Variants in ATP10A observed in about 807,000 individuals in gnomAD.
ATP10A encodes the protein phospholipid-transporting ATPase VA.
ATP10A carries 111 observed loss-of-function variants against 147.8 expected under a neutral mutation model. The observed-to-expected ratio is 0.75, with a 90% confidence interval of 0.64 to 0.88. The LOEUF is 0.88. ATP10A is among the 40% of genes least tolerant of loss of function. The probability of loss-of-function intolerance (pLI) is 0.00; values close to 1 mark genes in which losing one functional copy is unlikely to be tolerated. For synonymous variants in ATP10A, 875 were observed against 841.6 expected, an observed-to-expected ratio of 1.04 and a Z score of -0.69; for missense variants, 1,927 against 1,959.0, an observed-to-expected ratio of 0.98 and a Z score of 0.31.
intron 8 of ATP10A, 143 bp downstream of exon 8, chr15:25,718,039 A>C: frequency 1.2e-6 from 1 of 836,812 alleles, no homozygotes; most frequent in Non-Finnish European, 1.8e-6. Flanking sequence ...AGTGTTGGCC[A>C]GAAAAGCTTC....
rs1274938229 is a variant in ATP10A at position 25,695,084 on chromosome 15, T to A, written c.2823A>T (p.Arg941Ser). 1 of 1,614,120 alleles carries A rather than the reference T, an allele frequency of 6.2e-7. No individual in the cohort carries two copies. Among genetic ancestry groups the A allele is most frequent in the Non-Finnish European group, 8.5e-7 (1 of 1,180,028 alleles). Residue 941 changes from arginine to serine, a missense_variant, in exon 14 of 21, where the codon AGA becomes AGT. Transcript: ENST00000555815. ...CTTTGCCCTTGGTCTTCTCAGGGGC[T>A]CTCTGGAGGCCTCTGGACTGCACGT... ...LCYVQSRGLQ[R>S]APEKTKGKVS...
intron 2 of ATP10A, chr15:25,738,508 A>T (rs8029978): frequency 0.17 from 25,382 of 152,230 alleles, 2,307 homozygotes; most frequent in Middle Eastern, 0.29. Context: ...AAAAAATTTC[A>T]TTTACTGCCA....
At chr15:25,794,017 G>A (rs1890550367) in intron 1 of ATP10A, among the ~76,000 whole-genome samples, 1 of 152,150 alleles carries the variant, frequency 6.6e-6, no homozygotes, top group South Asian at 2.1e-4. Context: ...GGGAGAGAAG[G>A]GTTTTGTCCA....
downstream of ATP10A, among the ~76,000 whole-genome samples, chr15:25,673,256 G>A (rs564780416): frequency 2.2e-4 from 34 of 152,286 alleles, no homozygotes; most frequent in Admixed American, 7.2e-4. Context: ...CCCCCTATGC[G>A]CTGGGCAGGG....
chr15:25,773,981 G>A (rs779706861), intron 2 of ATP10A, among the ~76,000 whole-genome samples: 11 of 151,490 alleles, frequency 7.3e-5, no homozygotes, highest in Middle Eastern at 3.5e-3. Context: ...CAAACCCTTT[G>A]CAACTGCTGA....
chr15:25,832,960 AT>A (rs544084971), intron 1 of ATP10A, among the ~76,000 whole-genome samples: 2 of 148,048 alleles, frequency 1.4e-5, no homozygotes, highest in African/African-American at 2.5e-5. Context: ...TGTCAATTAC[AT>A]TTTTTTAATC....
downstream of ATP10A, chr15:25,678,645 T>C (rs1185227041): frequency 6.6e-6 from 1 of 152,228 alleles, no homozygotes; most frequent in Non-Finnish European, 1.5e-5. Flanking sequence ...GGAAGTGCCC[T>C]GAGATCATAC....
intron 1 of ATP10A, among the ~76,000 whole-genome samples, chr15:25,783,447 C>T (rs144202089): frequency 0.012 from 1,799 of 146,658 alleles, 13 homozygotes; most frequent in Admixed American, 0.018. Context: ...TTTCTCTCTT[C>T]TATTTAATTC....
At chr15:25,780,293 A>G (rs1430786190) in intron 2 of ATP10A, among the ~76,000 whole-genome samples, 1 of 152,250 alleles carries the variant, frequency 6.6e-6, no homozygotes, top group Non-Finnish European at 1.5e-5. Context: ...CTTGCTGTCT[A>G]GGCCAGAGCA....
intron 2 of ATP10A, among the ~76,000 whole-genome samples, chr15:25,737,211 C>G (rs1469047437): frequency 2.0e-5 from 3 of 152,212 alleles, no homozygotes; most frequent in Non-Finnish European, 2.9e-5. Context: ...GAAATGGCCT[C>G]TCGCTCTATT....
chr15:25,680,873 G>C lies in ATP10A; in HGVS notation c.3615C>G (p.Thr1205=). 6.2e-7 allele frequency: 1 copy of C among 1,614,080 alleles called. No individual in the cohort carries two copies. Among genetic ancestry groups the C allele is most frequent in the Non-Finnish European group, 8.5e-7 (1 of 1,180,022 alleles). Residue 1205 remains threonine, a synonymous_variant, in exon 19 of 21, where the codon ACC becomes ACG. Coordinates refer to ENST00000555815, the MANE Select transcript of ATP10A (RefSeq NM_024490.4). ...TGAGCAGCGCGATTGTCACAATAGG[G>C]GTCCCCCAGGTAAACAGGTCCACGT... ...DSNVDLFTWG[T]PIVTIALLTF... is the part of the protein sequence containing the mutation.
Position 25,679,573 on chromosome 15 carries a change from A to G in ATP10A, c.4268T>C (p.Val1423Ala). ...SKVRAASTGR[V>A]TPLSSLFSLP... ...GCTGAAGAGGGAAGACAGGGGGGTC[A>G]CCCTGCCGGTGCTGGCAGCTCTCAC... is the stretch of plus-strand genomic sequence containing the variant. Residue 1423 changes from valine (V) to alanine (A), a missense_variant, in exon 21 of 21, where the codon GTG becomes GCG. Physicochemically the swap from Val to Ala is moderately conservative, Grantham distance 64. Coordinates refer to ENST00000555815, the MANE Select transcript of ATP10A (RefSeq NM_024490.4). 5 of 1,610,444 alleles carry G rather than the reference A, an allele frequency of 3.1e-6. No homozygotes were observed. Among genetic ancestry groups the G allele is most frequent in the Admixed American group, 3.3e-5 (2 of 59,946 alleles).
At position 25,815,852 on chromosome 15, in the gene ATP10A, G is replaced by C. The variant is rs528083603; in HGVS notation, c.450-34629C>G. Among the ~76,000 whole-genome samples the C allele has an allele frequency of 9.9e-5, 15 of 152,138 alleles. No individual in the cohort carries two copies. The South Asian group carries it at 3.1e-3, about 32-fold the overall frequency. ...ATAACACATTTTTGCTTTATATAGAGTATCTTTGTGTTTTAATTGACTTAT... is the reference window on the plus strand; with the variant it reads ...ATAACACATTTTTGCTTTATATAGACTATCTTTGTGTTTTAATTGACTTAT... On this transcript the variant is annotated intron_variant, in intron 1 of 20. Coordinates refer to ENST00000555815, the MANE Select transcript of ATP10A (RefSeq NM_024490.4).
At chr15:25,680,560 G>A (rs1406064451) in intron 19 of ATP10A, among the ~76,000 whole-genome samples, 1 of 152,144 alleles carries the variant, frequency 6.6e-6, no homozygotes, top group African/African-American at 2.4e-5. Flanking sequence ...AGGAGAGAAT[G>A]TGGTGGTGGA....
intron 15 of ATP10A, 30 bp from the exon 16 acceptor site, chr15:25,687,858 G>A (rs1284323384): frequency 6.2e-7 from 1 of 1,613,542 alleles, no homozygotes; most frequent in African/African-American, 1.3e-5. Flanking sequence ...CCTGTTACTG[G>A]TGATGCCGAC....
chr15:25,824,978 C>A (rs1255459828), intron 1 of ATP10A, among the ~76,000 whole-genome samples: 1 of 152,126 alleles, frequency 6.6e-6, no homozygotes, highest in Non-Finnish European at 1.5e-5. Flanking sequence ...GTGAGCACCA[C>A]TGCACTCCAG....
chr15:25,720,449 G>A (rs1902140776), intron 7 of ATP10A, among the ~76,000 whole-genome samples: 1 of 152,134 alleles, frequency 6.6e-6, no homozygotes, highest in African/African-American at 2.4e-5. Context: ...GGCTTTAAGG[G>A]CTGCTGTAGA....
intron 3 of ATP10A, among the ~76,000 whole-genome samples, chr15:25,729,752 C>T (rs549421292): frequency 1.3e-5 from 2 of 152,262 alleles, no homozygotes; most frequent in Non-Finnish European, 2.9e-5. Context: ...CAGCTTCTGC[C>T]GCCTTCAGGG....
At chr15:25,835,237 C>T (rs1369255284) in intron 1 of ATP10A, among the ~76,000 whole-genome samples, 2 of 152,174 alleles carry the variant, frequency 1.3e-5, no homozygotes, top group African/African-American at 4.8e-5. Flanking sequence ...TGCCCCTGCA[C>T]TCCAGCCTGA....
Sources: allele counts gnomAD v4.1 joint callset (sites outside exome capture counted in the v4.1 genomes callset), GRCh38; gene constraint gnomAD v4.1.1; transcripts MANE v1.5; gene names NCBI Gene and HGNC (gene_info 2026-07-23, HGNC 2026-07-21).